The following THSD7B variants were observed in gnomAD, a reference collection of about 807,000 sequenced individuals.
THSD7B encodes thrombospondin type 1 domain containing 7B.
Under a neutral mutation model 213.6 loss-of-function variants are expected in THSD7B, and 138 were observed. That is an observed-to-expected ratio of 0.65 (90% CI 0.56 to 0.74). The LOEUF (loss-of-function observed/expected upper bound fraction) is 0.74, where lower values mean the gene tolerates loss of function less well. Among genes scored for constraint, THSD7B ranks in the 30% least tolerant of loss-of-function variants. THSD7B has a pLI of 0.00. For synonymous variants in THSD7B, 742 were observed against 687.0 expected (o/e 1.08, Z -1.25); for missense variants, 1,931 against 1,991.5 (o/e 0.97, Z 0.58).
chr2:136,977,807 T>TTG (rs58024788), intron 2 of THSD7B, among the ~76,000 whole-genome samples: 1 of 53,380 alleles, frequency 1.9e-5, no homozygotes. Flanking sequence ...CTTTGTTTTT[T>TTG]TTTTTTTTTT....
At chr2:136,792,485 C>T (rs1159618987) in intron 1 of THSD7B, among the ~76,000 whole-genome samples, 1 of 151,932 alleles carries the variant, frequency 6.6e-6, no homozygotes, top group Non-Finnish European at 1.5e-5. Context: ...ATGTATAACT[C>T]CAAGTGTGAA....
intron 16 of THSD7B, among the ~76,000 whole-genome samples, chr2:137,568,200 G>A (rs1217771737): frequency 6.6e-6 from 1 of 152,104 alleles, no homozygotes; most frequent in Non-Finnish European, 1.5e-5. Context: ...GGTAATAATT[G>A]GGGAGGCGGG....
chr2:136,980,883 T>C (rs1685565183), intron 2 of THSD7B, among the ~76,000 whole-genome samples: 1 of 152,220 alleles, frequency 6.6e-6, no homozygotes, highest in Non-Finnish European at 1.5e-5. Flanking sequence ...CCTTGCTCCA[T>C]GTGGCTCCTG....
intron 15 of THSD7B, among the ~76,000 whole-genome samples, chr2:137,542,978 G>A (rs1049439820): frequency 2.6e-5 from 4 of 151,714 alleles, no homozygotes; most frequent in Admixed American, 2.0e-4. Flanking sequence ...TAGTTCTAGA[G>A]GTGAAAAGAT....
chr2:137,247,462 G>A (rs1682065272), intron 10 of THSD7B, among the ~76,000 whole-genome samples: 1 of 152,138 alleles, frequency 6.6e-6, no homozygotes, highest in Non-Finnish European at 1.5e-5. Flanking sequence ...TGGAAAGGGA[G>A]AATATGAAAG....
At position 137,676,758 on chromosome 2, in the gene THSD7B, G is replaced by T; in HGVS notation, c.*153G>T. The stretch of plus-strand genomic sequence containing the variant: ...AAGTAATATTGCCTCAACTTCATTT[G>T]GACATGGAGTCAAGGATTATTAGGT... On this transcript the variant is annotated 3_prime_UTR_variant, in exon 28 of 28. Transcript: ENST00000409968. 1.7e-6 allele frequency: 1 copy of T among 587,730 alleles called. No homozygotes were observed. Among genetic ancestry groups the T allele is most frequent in the East Asian group, 3.4e-5 (1 of 29,686 alleles). 36.4% of individuals were successfully genotyped at this position (587,730 alleles called of 1,614,324 possible).
intron 7 of THSD7B, among the ~76,000 whole-genome samples, chr2:137,220,147 A>G (rs1250166100): frequency 2.6e-5 from 4 of 152,216 alleles, no homozygotes; most frequent in African/African-American, 9.6e-5. Context: ...TTAAATACAA[A>G]CTGAATACAG....
intron 1 of THSD7B, among the ~76,000 whole-genome samples, chr2:136,794,536 A>G (rs1025447918): frequency 4.6e-5 from 7 of 151,852 alleles, no homozygotes; most frequent in African/African-American, 1.7e-4. Flanking sequence ...TTCTAAATCA[A>G]TTCCGCTGGG....
At chr2:136,989,706 A>G (rs1685732917) in intron 2 of THSD7B, among the ~76,000 whole-genome samples, 1 of 152,236 alleles carries the variant, frequency 6.6e-6, no homozygotes, top group Non-Finnish European at 1.5e-5. Context: ...GTGACCCAAG[A>G]TGAGCTCAGA....
chr2:136,960,681 C>T (rs771929770), intron 2 of THSD7B, among the ~76,000 whole-genome samples: 19 of 152,096 alleles, frequency 1.2e-4, no homozygotes, highest in African/African-American at 3.1e-4. Flanking sequence ...ATTCCCTTCT[C>T]GAATCTCCTT....
Position 136,925,262 on chromosome 2 carries a change from G to T in THSD7B, c.139+42945G>T, listed in dbSNP as rs77309460. On this transcript the variant is annotated intron_variant, in intron 2 of 27. Coordinates refer to ENST00000409968, the MANE Select transcript of THSD7B (RefSeq NM_001316349.2). ...ACTGGTCTTGTTTCTTATCTTAGAAGAAAAGCTTTTAGTTTTTCACCATTG... is the reference window on the plus strand; with the variant it reads ...ACTGGTCTTGTTTCTTATCTTAGAATAAAAGCTTTTAGTTTTTCACCATTG... Among the ~76,000 whole-genome samples, 418 of 152,288 alleles carry T rather than the reference G, an allele frequency of 2.7e-3. 3 individuals are homozygous for T. Among genetic ancestry groups the T allele is most frequent in the African/African-American group, 9.5e-3 (394 of 41,574 alleles).
At chr2:137,541,986 A>C (rs1680619219) in intron 15 of THSD7B, among the ~76,000 whole-genome samples, 1 of 151,594 alleles carries the variant, frequency 6.6e-6, no homozygotes, top group Admixed American at 6.6e-5. Context: ...GTAAACATTC[A>C]CATCACGGGA....
chr2:136,962,878 A>G (rs923652011), intron 2 of THSD7B, among the ~76,000 whole-genome samples: 1 of 152,188 alleles, frequency 6.6e-6, no homozygotes, highest in East Asian at 1.9e-4. Context: ...TATAAAACAG[A>G]CACACATTTG....
intron 12 of THSD7B, among the ~76,000 whole-genome samples, chr2:137,353,399 G>C (rs1434756830): frequency 6.6e-6 from 1 of 152,016 alleles, no homozygotes; most frequent in East Asian, 1.9e-4. Context: ...TAGAGCTATG[G>C]GCAGTGGTCT....
At position 136,882,188 on chromosome 2, in the gene THSD7B, A is replaced by C. The variant is rs1263872018; in HGVS notation, c.10A>C (p.Lys4Gln). MFP[K>Q]SNLTVTCWVW... ...CTGAAAAATCTGAAGCATGTTTCCA[A>C]AGAGCAACCTAACAGTCACTTGCTG... Residue 4 changes from lysine to glutamine, a missense_variant, in exon 2 of 28, where the codon AAG (lysine) becomes CAG (glutamine). Lys to Gln is a moderately conservative substitution (Grantham distance 53). Coordinates refer to ENST00000409968, the MANE Select transcript of THSD7B (RefSeq NM_001316349.2). 6.6e-7 allele frequency: 1 copy of C among 1,510,976 alleles called. No individual in the cohort carries two copies. Among genetic ancestry groups the C allele is most frequent in the African/African-American group, 1.4e-5 (1 of 70,494 alleles). 93.6% of individuals were successfully genotyped at this position (1,510,976 alleles called of 1,614,324 possible).
chr2:137,223,356 A>G (rs1038784534), intron 7 of THSD7B, among the ~76,000 whole-genome samples: 2 of 152,238 alleles, frequency 1.3e-5, no homozygotes, highest in African/African-American at 4.8e-5. Context: ...CAAAATTCAC[A>G]CAACATGTCC....
In THSD7B at chr2:137,168,306, A is replaced by G. The variant is rs1315439350; in HGVS notation, c.1526-2435A>G. Among the ~76,000 whole-genome samples the G allele has an allele frequency of 5.9e-5, 9 of 152,334 alleles. No homozygotes were observed. The East Asian group carries it at 1.5e-3, about 26-fold the overall frequency. On this transcript the variant is annotated intron_variant, in intron 6 of 27. Transcript: ENST00000409968. ...TGATTAATATGAAACTCAATAAATG[A>G]AAGTGATTGGTTGGCTGGCCCCCAA...
intron 2 of THSD7B, among the ~76,000 whole-genome samples, chr2:137,041,144 ATTG>A (rs1339065245): frequency 6.6e-6 from 1 of 152,200 alleles, no homozygotes; most frequent in African/African-American, 2.4e-5. Context: ...GTTCAGGAAT[ATTG>A]TTGTGTGTTT....
At chr2:137,489,505 C>T (rs1449767013) in intron 15 of THSD7B, among the ~76,000 whole-genome samples, 8 of 150,916 alleles carry the variant, frequency 5.3e-5, no homozygotes, top group South Asian at 4.2e-4. Context: ...TTTTTTTCTT[C>T]GATGTTTGCC....
Sources: gnomAD v4.1 joint callset for allele counts (sites outside exome capture counted in the v4.1 genomes callset) on GRCh38, gnomAD v4.1.1 for gene constraint, MANE v1.5 for transcripts, NCBI Gene and HGNC (gene_info 2026-07-23, HGNC 2026-07-21) for gene names.